NINL: variants seen among roughly 807,000 people sequenced by gnomAD.
The protein encoded by NINL is ninein like, also known as ninein-like protein.
A neutral mutation model predicts 160.3 loss-of-function variants in NINL; 153 were observed. The observed-to-expected ratio is 0.95, with a 90% CI of 0.84 to 1.09. The LOEUF (loss-of-function observed/expected upper bound fraction) is 1.09. Ranked by LOEUF, NINL falls within the 50% of genes least tolerant of loss-of-function variation. The pLI is 0.00. For synonymous variants in NINL, 800 were observed against 734.8 expected (o/e 1.09, Z -1.43); for missense variants, 1,829 against 1,764.0 (o/e 1.04, Z -0.66).
chr20:25,517,838 C>T lies in NINL; in HGVS notation c.192G>A (p.Glu64=), dbSNP rs192525663. The T allele has an allele frequency of 6.2e-6, 10 of 1,605,766 alleles. No individual in the cohort carries two copies. The East Asian group carries it at 2.0e-4, about 32-fold the overall frequency. The change falls in exon 3 of 24, where the codon GAG becomes GAA. Residue 64 remains glutamate, a synonymous_variant. Transcript: ENST00000278886. ...CAGCCACAAAACCTTCCTTAAATTC[C>T]TCAAAGTTAACCTGGGTGAATTGAA... ...GNDHFARVNF[E]EFKEGFVAVL...
chr20:25,462,412 C>T lies in NINL; in HGVS notation c.3553G>A (p.Glu1185Lys). The change falls in exon 20 of 24, where the codon GAG becomes AAG. Residue 1185 changes from glutamate to lysine, a missense_variant. By Grantham distance (56) the Glu-to-Lys change is moderately conservative (BLOSUM62 1). Transcript: ENST00000278886. Reference sequence around the variant, plus strand: ...TGCTGCCCACTGCGAACCACCTCCTCCAGGCTCTGTGTTAACATCTGAATG... The same window carrying T: ...TGCTGCCCACTGCGAACCACCTCCTTCAGGCTCTGTGTTAACATCTGAATG... Reference protein sequence around the residue: ...VTIQMLTQSLEEVVRSGQQQS... With the variant: ...VTIQMLTQSLKEVVRSGQQQS... 6.2e-7 allele frequency: 1 copy of T among 1,614,032 alleles called. No homozygotes were observed. Among genetic ancestry groups the T allele is most frequent in the Non-Finnish European group, 8.5e-7 (1 of 1,180,020 alleles).
intron 5 of NINL, among the ~76,000 whole-genome samples, chr20:25,506,938 C>G (rs1331456380): frequency 6.6e-6 from 1 of 152,168 alleles, no homozygotes; most frequent in Non-Finnish European, 1.5e-5. Context: ...ACTATCATAC[C>G]TAACAAAATC....
In NINL at chr20:25,455,365, G is replaced by A. The variant is rs73333583; in HGVS notation, c.3957+308C>T. On this transcript the variant is annotated intron_variant, in intron 23 of 23. Coordinates refer to ENST00000278886, the MANE Select transcript of NINL (RefSeq NM_025176.6). ...GGGTCAGGTCTGGGATGCAGGCTCAGCCCTGCTCATCTCAGGTCTACCTGG... is the reference window on the plus strand; with the variant it reads ...GGGTCAGGTCTGGGATGCAGGCTCAACCCTGCTCATCTCAGGTCTACCTGG... Among the ~76,000 whole-genome samples the A allele has an allele frequency of 6.9e-3, 1,044 of 152,332 alleles. 18 individuals are homozygous for A. The highest frequency in any genetic ancestry group is 0.024 in the African/African-American group (1,002 of 41,570).
intron 2 of NINL, among the ~76,000 whole-genome samples, chr20:25,525,957 C>T (rs2064350759): frequency 6.6e-6 from 1 of 152,194 alleles, no homozygotes; most frequent in Non-Finnish European, 1.5e-5. Flanking sequence ...GTTCTTTCAA[C>T]AGTAGCTTGC....
At chr20:25,534,810 C>G (rs2064528989) in intron 1 of NINL, among the ~76,000 whole-genome samples, 1 of 152,158 alleles carries the variant, frequency 6.6e-6, no homozygotes, top group African/African-American at 2.4e-5. Flanking sequence ...TAGTATTTGC[C>G]TATAACCTAT....
chr20:25,578,859 A>G (rs1451063041), intron 1 of NINL, among the ~76,000 whole-genome samples: 1 of 151,502 alleles, frequency 6.6e-6, no homozygotes, highest in Non-Finnish European at 1.5e-5. Context: ...AATTAAATTA[A>G]ATTAAATGGA....
intron 19 of NINL, among the ~76,000 whole-genome samples, chr20:25,465,744 T>C (rs930421723): frequency 4.6e-5 from 7 of 152,174 alleles, no homozygotes; most frequent in African/African-American, 1.7e-4. Context: ...TGCCAGCAAG[T>C]TGATCTGATA....
At chr20:25,499,297 G>A (rs964734595) in intron 8 of NINL, 1 of 926,310 alleles carries the variant, frequency 1.1e-6, no homozygotes, top group Admixed American at 6.2e-5. Context: ...ACAGCAGCCT[G>A]AGGTCAGAAA....
chr20:25,462,299 C>T (rs1396433029), intron 20 of NINL, 84 bp downstream of exon 20: 7 of 1,321,408 alleles, frequency 5.3e-6, no homozygotes, highest in African/African-American at 4.6e-5. Flanking sequence ...GGCTCCTCAG[C>T]GCGTGTCCTG....
chr20:25,543,058 A>G (rs2064689424), intron 1 of NINL, among the ~76,000 whole-genome samples: 1 of 151,722 alleles, frequency 6.6e-6, no homozygotes, highest in Non-Finnish European at 1.5e-5. Context: ...AAAAAAAGAA[A>G]GAAAAGAAAA....
At chr20:25,513,667 T>C (rs922316653) in intron 3 of NINL, among the ~76,000 whole-genome samples, 4 of 152,220 alleles carry the variant, frequency 2.6e-5, no homozygotes, top group Admixed American at 6.5e-5. Flanking sequence ...TGGGAGGTGA[T>C]TGGATCATGC....
At chr20:25,528,446 C>A (rs2064395588) in intron 1 of NINL, among the ~76,000 whole-genome samples, 1 of 152,036 alleles carries the variant, frequency 6.6e-6, no homozygotes, top group South Asian at 2.1e-4. Flanking sequence ...TATAATAATT[C>A]ATTTATGCCT....
chr20:25,561,291 G>C (rs554588729), intron 1 of NINL, among the ~76,000 whole-genome samples: 1 of 152,104 alleles, frequency 6.6e-6, no homozygotes, highest in Non-Finnish European at 1.5e-5. Context: ...CGCCAGCCTC[G>C]GCCTCCCGAG....
chr20:25,577,736 C>T (rs1363004341), intron 1 of NINL, among the ~76,000 whole-genome samples: 2 of 152,124 alleles, frequency 1.3e-5, no homozygotes, highest in Non-Finnish European at 2.9e-5. Context: ...CGGGGGAGCC[C>T]ACCACCCCTC....
At chr20:25,506,155 G>A (rs940716403) in intron 5 of NINL, among the ~76,000 whole-genome samples, 4 of 152,150 alleles carry the variant, frequency 2.6e-5, no homozygotes, top group South Asian at 2.1e-4. Context: ...CCAGCTACTC[G>A]GGAGGCTGAG....
chr20:25,570,489 T>C (rs369987902), intron 1 of NINL, among the ~76,000 whole-genome samples: 1 of 152,082 alleles, frequency 6.6e-6, no homozygotes. Flanking sequence ...CCTTCCGCCA[T>C]GATTGGAAGC....
intron 9 of NINL, among the ~76,000 whole-genome samples, chr20:25,497,862 CA>C (rs1184260099): frequency 6.6e-6 from 1 of 152,158 alleles, no homozygotes; most frequent in African/African-American, 2.4e-5. Context: ...TGGGGGCCCC[CA>C]ACATACAGAT....
chr20:25,476,830 A>G lies in NINL; in HGVS notation c.2461T>C (p.Ser821Pro), dbSNP rs1568872913. 19 of 1,613,226 alleles carry G rather than the reference A, an allele frequency of 1.2e-5. No individual in the cohort carries two copies. Among genetic ancestry groups the G allele is most frequent in the Non-Finnish European group, 1.6e-5 (19 of 1,179,904 alleles). ...LARGKRVDGP[S>P]LEAEMQALPK... ...AGGGCCTGCATCTCTGCTTCCAGGGAGGGCCCGTCCACTCGCTTCCCGCGG... is the reference window on the plus strand; with the variant it reads ...AGGGCCTGCATCTCTGCTTCCAGGGGGGGCCCGTCCACTCGCTTCCCGCGG... Residue 821 changes from serine to proline, a missense_variant, in exon 17 of 24, where the codon TCC (serine) becomes CCC (proline). By Grantham distance (74) the Ser-to-Pro change is moderately conservative. Transcript: ENST00000278886.
At chr20:25,501,069 G>A in intron 7 of NINL, 59 bp from the exon 8 acceptor site, 4 of 1,554,872 alleles carry the variant, frequency 2.6e-6, no homozygotes, top group East Asian at 2.3e-5. Context: ...CCTGTGTGCT[G>A]CTGATGTGCT....
Sources: gnomAD v4.1 joint callset for allele counts (sites outside exome capture counted in the v4.1 genomes callset) on GRCh38, gnomAD v4.1.1 for gene constraint, MANE v1.5 for transcripts, NCBI Gene and HGNC (gene_info 2026-07-23, HGNC 2026-07-21) for gene names.